The following PGCKA1 variants were observed in gnomAD, a reference collection of about 807,000 sequenced individuals.
PGCKA1 encodes the protein PDCD10 and GCKIII kinases associated 1, also known as PDCD10 and GCKIII kinases-associated protein 1.
At chr4:37,553,375 CTTA>C in the PGCKA1 span, among the ~76,000 whole-genome samples, 70 of 137,022 alleles carry the variant, frequency 5.1e-4, no homozygotes, top group Middle Eastern at 3.8e-3. Context: ...TGATAAACTT[CTTA>C]CTTTACCCCT....
chr4:37,470,605 T>G, the PGCKA1 span, among the ~76,000 whole-genome samples: 1 of 152,214 alleles, frequency 6.6e-6, no homozygotes, highest in Admixed American at 6.5e-5. Context: ...TCATTTTATA[T>G]CTGAAAGTCG....
chr4:37,506,936 A>G, the PGCKA1 span, among the ~76,000 whole-genome samples: 74 of 152,142 alleles, frequency 4.9e-4, no homozygotes, highest in African/African-American at 1.6e-3. Flanking sequence ...CTCTAATAAT[A>G]TTTGCTTTAT....
the PGCKA1 span, among the ~76,000 whole-genome samples, chr4:37,555,725 T>C: frequency 6.6e-6 from 1 of 152,202 alleles, no homozygotes; most frequent in South Asian, 2.1e-4. Flanking sequence ...GTTGGACTGG[T>C]AGCTGTTCTC....
the PGCKA1 span, among the ~76,000 whole-genome samples, chr4:37,585,029 C>T: frequency 7.0e-6 from 1 of 141,882 alleles, no homozygotes; most frequent in Admixed American, 7.1e-5. Context: ...TTTTTACTAC[C>T]TATCCTCCTG....
the PGCKA1 span, chr4:37,591,301 C>T: frequency 3.6e-6 from 1 of 278,368 alleles, no homozygotes; most frequent in Admixed American, 4.8e-5. Context: ...AACCCTCAAA[C>T]ATCTTTGAGC....
At chr4:37,542,683 T>C in the PGCKA1 span, among the ~76,000 whole-genome samples, 1 of 152,326 alleles carries the variant, frequency 6.6e-6, no homozygotes, top group South Asian at 2.1e-4. Flanking sequence ...TTTTAATGTA[T>C]TTAATTTTAA....
chr4:37,557,485 C>T, the PGCKA1 span, among the ~76,000 whole-genome samples: 8 of 152,312 alleles, frequency 5.3e-5, no homozygotes, highest in South Asian at 6.2e-4. Context: ...GCAGATTTGG[C>T]GTCTGGTGAG....
At chr4:37,460,761 A>G in the PGCKA1 span, 4 of 321,950 alleles carry the variant, frequency 1.2e-5, no homozygotes, top group South Asian at 2.4e-5. Flanking sequence ...GTAGATTGCA[A>G]AAATTTTCCT....
the PGCKA1 span, among the ~76,000 whole-genome samples, chr4:37,572,056 TTTTTTTC>T: frequency 3.4e-4 from 39 of 115,168 alleles, no homozygotes; most frequent in Middle Eastern, 0.01. Context: ...ACCTTTTTTT[TTTTTTTC>T]TTTTTTTTTT....
chr4:37,576,286 TAG>T, the PGCKA1 span, among the ~76,000 whole-genome samples: 5 of 152,138 alleles, frequency 3.3e-5, no homozygotes, highest in Non-Finnish European at 5.9e-5. Context: ...GTCTTCATAG[TAG>T]AGATCTTTCA....
At chr4:37,585,137 G>A in the PGCKA1 span, among the ~76,000 whole-genome samples, 1 of 106,888 alleles carries the variant, frequency 9.4e-6, no homozygotes, top group Non-Finnish European at 1.8e-5. Context: ...AGAGCGAATT[G>A]TGGAGGGGGA....
the PGCKA1 span, among the ~76,000 whole-genome samples, chr4:37,522,293 G>T: frequency 6.6e-6 from 1 of 152,134 alleles, no homozygotes; most frequent in Non-Finnish European, 1.5e-5. Flanking sequence ...TAGACCACAA[G>T]ATATGGTTCT....
chr4:37,457,413 C>T, the PGCKA1 span, among the ~76,000 whole-genome samples: 1 of 152,294 alleles, frequency 6.6e-6, no homozygotes, highest in South Asian at 2.1e-4. Flanking sequence ...ATACATAATG[C>T]CTGTGAACAA....
the PGCKA1 span, among the ~76,000 whole-genome samples, chr4:37,575,085 C>T: frequency 6.6e-6 from 1 of 152,164 alleles, no homozygotes; most frequent in Non-Finnish European, 1.5e-5. Flanking sequence ...CTCTTCAATA[C>T]AGTGATTTCC....
At chr4:37,539,446 C>T in the PGCKA1 span, among the ~76,000 whole-genome samples, 1 of 152,166 alleles carries the variant, frequency 6.6e-6, no homozygotes, top group East Asian at 1.9e-4. Context: ...CACCTGAGGT[C>T]AGGAGTTTGA....
the PGCKA1 span, among the ~76,000 whole-genome samples, chr4:37,480,417 C>T: frequency 4.6e-5 from 7 of 152,232 alleles, no homozygotes; most frequent in Non-Finnish European, 8.8e-5. Flanking sequence ...TGCTTGAACC[C>T]GGGAGGCGGA....
the PGCKA1 span, among the ~76,000 whole-genome samples, chr4:37,558,503 C>G: frequency 6.6e-6 from 1 of 152,024 alleles, no homozygotes; most frequent in Non-Finnish European, 1.5e-5. Flanking sequence ...GGAAGAAAAC[C>G]TAGGCATTAC....
At chr4:37,570,146 A>ATT in the PGCKA1 span, among the ~76,000 whole-genome samples, 5,444 of 78,858 alleles carry the variant, frequency 0.069, 266 homozygotes, top group South Asian at 0.19. Flanking sequence ...CGCCTGGCTA[A>ATT]TTTTTTTTTT....
At chr4:37,577,529 A>G in the PGCKA1 span, among the ~76,000 whole-genome samples, 1 of 151,328 alleles carries the variant, frequency 6.6e-6, no homozygotes. Flanking sequence ...TCTTTTGTTG[A>G]TCTTTTGTAT....
Sources: allele counts gnomAD v4.1 joint callset (sites outside exome capture counted in the v4.1 genomes callset), GRCh38; gene constraint gnomAD v4.1.1; transcripts MANE v1.5; gene names NCBI Gene and HGNC (gene_info 2026-07-23, HGNC 2026-07-21).